The following SUGCT variants were observed in gnomAD, a reference collection of about 807,000 sequenced individuals.
SUGCT encodes succinyl-CoA:glutarate CoA-transferase.
A neutral mutation model predicts 55.0 loss-of-function variants in SUGCT; 41 were observed. The ratio of observed to expected loss-of-function variants is 0.74; its 90% confidence interval spans 0.58 to 0.97. The LOEUF (loss-of-function observed/expected upper bound fraction) is 0.97, where lower values mean the gene tolerates loss of function less well. Ranked by LOEUF, SUGCT falls within the 50% of genes least tolerant of loss-of-function variation. The probability of loss-of-function intolerance (pLI) is 0.00; values close to 1 mark genes in which losing one functional copy is unlikely to be tolerated. For synonymous variants in SUGCT, 187 were observed against 200.4 expected (o/e 0.93, Z 0.56); for missense variants, 568 against 547.8 (o/e 1.04, Z -0.37).
chr7:40,678,536 C>T (rs1213040546), intron 12 of SUGCT, among the ~76,000 whole-genome samples: 1 of 152,082 alleles, frequency 6.6e-6, no homozygotes, highest in Non-Finnish European at 1.5e-5. Flanking sequence ...TTCATACTTT[C>T]CCTTCCTGGG....
intron 12 of SUGCT, among the ~76,000 whole-genome samples, chr7:40,699,275 A>G (rs1785072357): frequency 2.6e-5 from 4 of 152,180 alleles, no homozygotes; most frequent in East Asian, 1.9e-4. Context: ...AAATATATCA[A>G]TAACTGGGAT....
intron 12 of SUGCT, among the ~76,000 whole-genome samples, chr7:40,742,353 A>G (rs1056800665): frequency 2.0e-4 from 30 of 152,088 alleles, no homozygotes; most frequent in African/African-American, 2.9e-4. Flanking sequence ...GCTGTCCCCA[A>G]TCTTTTTGGC....
chr7:40,266,820 A>T (rs1157908793), intron 7 of SUGCT, among the ~76,000 whole-genome samples: 2 of 151,982 alleles, frequency 1.3e-5, no homozygotes, highest in Non-Finnish European at 2.9e-5. Context: ...TCTGAGATCA[A>T]CTTGGCCGAT....
At chr7:40,199,545 A>G (rs1786475431) in intron 6 of SUGCT, among the ~76,000 whole-genome samples, 3 of 152,216 alleles carry the variant, frequency 2.0e-5, no homozygotes, top group Non-Finnish European at 4.4e-5. Flanking sequence ...TACTTTTAGA[A>G]GTACAATGGT....
At position 40,469,853 on chromosome 7, in the gene SUGCT, T is replaced by G. The variant is rs537332855; in HGVS notation, c.986+10655T>G. On this transcript the variant is annotated intron_variant, in intron 11 of 13. Transcript: ENST00000335693. The stretch of plus-strand genomic sequence containing the variant: ...GGTGATGGGAGGGAGTCCAGTAAAC[T>G]CTATTTCCCTGGATAAAACATTTAA... 2.0e-5 allele frequency among the ~76,000 whole-genome samples: 3 copies of G among 152,290 alleles called. No homozygotes were observed. The South Asian group carries it at 6.2e-4, about 32-fold the overall frequency.
intron 9 of SUGCT, among the ~76,000 whole-genome samples, chr7:40,398,469 A>G (rs892846021): frequency 6.7e-6 from 1 of 149,404 alleles, no homozygotes; most frequent in Non-Finnish European, 1.5e-5. Flanking sequence ...GTAGGATTGC[A>G]TCTCGGTTGG....
At chr7:40,261,691 T>C (rs755672772) in intron 7 of SUGCT, among the ~76,000 whole-genome samples, 4 of 152,212 alleles carry the variant, frequency 2.6e-5, no homozygotes, top group Non-Finnish European at 4.4e-5. Flanking sequence ...TTAGACCAAA[T>C]GTCTCTTTAA....
chr7:40,538,276 T>G (rs1217529087), intron 12 of SUGCT: 3 of 152,242 alleles, frequency 2.0e-5, no homozygotes, highest in Non-Finnish European at 2.9e-5. Context: ...TAATGTTTAA[T>G]GCTTGGATTT....
At chr7:40,544,887 C>T (rs1051703380) in intron 12 of SUGCT, among the ~76,000 whole-genome samples, 13 of 152,132 alleles carry the variant, frequency 8.5e-5, no homozygotes, top group African/African-American at 2.9e-4. Flanking sequence ...GTCTATTTCC[C>T]ATTTGAGAAG....
the SUGCT span, among the ~76,000 whole-genome samples, chr7:41,005,607 T>C: frequency 6.6e-6 from 1 of 152,240 alleles, no homozygotes; most frequent in African/African-American, 2.4e-5. Context: ...AATCCTCTTT[T>C]TACTCTGTGC....
At chr7:40,652,490 A>G (rs1160745724) in intron 12 of SUGCT, among the ~76,000 whole-genome samples, 2 of 152,156 alleles carry the variant, frequency 1.3e-5, no homozygotes, top group Non-Finnish European at 2.9e-5. Flanking sequence ...CTCCACCTTC[A>G]TGTTTACTAC....
At chr7:40,374,487 G>A (rs571563203) in intron 9 of SUGCT, among the ~76,000 whole-genome samples, 10 of 152,244 alleles carry the variant, frequency 6.6e-5, no homozygotes, top group African/African-American at 2.4e-4. Flanking sequence ...TCCAAATAAA[G>A]GGTATCAGCA....
At chr7:41,035,206 G>A in the SUGCT span, among the ~76,000 whole-genome samples, 1 of 152,216 alleles carries the variant, frequency 6.6e-6, no homozygotes, top group Non-Finnish European at 1.5e-5. Flanking sequence ...GAAGGTTCTT[G>A]AAACTTTTTC....
chr7:40,443,574 A>AT (rs1285896844), intron 9 of SUGCT, among the ~76,000 whole-genome samples: 2 of 151,326 alleles, frequency 1.3e-5, no homozygotes, highest in Non-Finnish European at 3.0e-5. Context: ...GGGGTGTTTG[A>AT]TTTTTTCTTG....
intron 12 of SUGCT, among the ~76,000 whole-genome samples, chr7:40,573,684 A>G (rs901416351): frequency 1.3e-5 from 2 of 152,200 alleles, no homozygotes; most frequent in African/African-American, 4.8e-5. Flanking sequence ...ATTGTGTCCT[A>G]CGGTTTTGAG....
At chr7:40,965,588 C>T in the SUGCT span, 5 of 152,192 alleles carry the variant, frequency 3.3e-5, no homozygotes, top group Non-Finnish European at 5.9e-5. Flanking sequence ...TCATATTAAT[C>T]GAGTTGTATA....
chr7:40,501,620 C>T (rs564324750), intron 12 of SUGCT, among the ~76,000 whole-genome samples: 38 of 152,188 alleles, frequency 2.5e-4, no homozygotes, highest in African/African-American at 9.1e-4. Flanking sequence ...ATTCAGTCAT[C>T]CCTTCCTTCA....
At chr7:40,318,811 A>T (rs1044175026) in intron 9 of SUGCT, among the ~76,000 whole-genome samples, 1 of 152,248 alleles carries the variant, frequency 6.6e-6, no homozygotes, top group Non-Finnish European at 1.5e-5. Context: ...TCCAAATCCC[A>T]TCACATAGGT....
intron 12 of SUGCT, among the ~76,000 whole-genome samples, chr7:40,661,185 G>A (rs1801286673): frequency 6.6e-6 from 1 of 152,106 alleles, no homozygotes. Flanking sequence ...AATGTTTTTA[G>A]CTAATGACCT....
Sources: allele counts gnomAD v4.1 joint callset (sites outside exome capture counted in the v4.1 genomes callset), GRCh38; gene constraint gnomAD v4.1.1; transcripts MANE v1.5; gene names NCBI Gene and HGNC (gene_info 2026-07-23, HGNC 2026-07-21).